The following MCPH1 variants were observed in gnomAD, a reference collection of about 807,000 sequenced individuals.
MCPH1 encodes the protein microcephalin 1.
A neutral mutation model predicts 84.5 loss-of-function variants in MCPH1; 104 were observed. The ratio of observed to expected loss-of-function variants is 1.23; its 90% CI spans 1.05 to 1.45. The LOEUF is 1.45. MCPH1 is among the 40% of genes most tolerant of loss of function. MCPH1 has a pLI of 0.00. For synonymous variants in MCPH1, 514 were observed against 366.8 expected, an observed-to-expected ratio of 1.40 and a Z score of -4.58; for missense variants, 1,498 against 1,005.7, an observed-to-expected ratio of 1.49 and a Z score of -6.62.
intron 2 of MCPH1, among the ~76,000 whole-genome samples, chr8:6,409,656 A>G (rs1024259546): frequency 1.3e-5 from 2 of 149,656 alleles, no homozygotes; most frequent in Non-Finnish European, 3.0e-5. Context: ...GGAATACAGG[A>G]AAAGGAACAG....
At chr8:6,625,759 A>G in intron 13 of MCPH1, 1 of 979,032 alleles carries the variant, frequency 1.0e-6, no homozygotes, top group Non-Finnish European at 1.2e-6. Context: ...ACTCCAGCCT[A>G]GGCAACAGAG....
chr8:6,520,851 AT>A (rs1422612971), intron 12 of MCPH1, among the ~76,000 whole-genome samples: 1 of 152,156 alleles, frequency 6.6e-6, no homozygotes, highest in African/African-American at 2.4e-5. Flanking sequence ...GTCTGATATT[AT>A]TTTTCCCATG....
At chr8:6,501,848 G>T (rs991827675) in intron 12 of MCPH1, 1 of 151,396 alleles carries the variant, frequency 6.6e-6, no homozygotes, top group African/African-American at 2.4e-5. Flanking sequence ...GAGCCACTGC[G>T]CCCAGCCCTG....
chr8:6,446,843 C>T lies in MCPH1; in HGVS notation c.1825+1296C>T, dbSNP rs1050485731. On this transcript the variant is annotated intron_variant, in intron 8 of 13. Transcript: ENST00000344683. ...CCCGTGTTGCTGGGAGTGTGCTAGT[C>T]CTCGGAAGCAGGTGTGTTATGTTCT... The T allele has an allele frequency of 1.7e-5, 17 of 985,190 alleles. No individual in the cohort carries two copies. The African/African-American group carries it at 2.8e-4, about 16-fold the overall frequency. 61.0% of individuals were successfully genotyped at this position (985,190 alleles called of 1,614,324 possible). A position where few individuals can be genotyped will look rare whatever the true frequency, so the allele number is the denominator to read the frequency against.
At chr8:6,548,859 C>A (rs1413675548) in intron 12 of MCPH1, among the ~76,000 whole-genome samples, 7 of 152,188 alleles carry the variant, frequency 4.6e-5, no homozygotes, top group African/African-American at 9.6e-5. Flanking sequence ...TTCCCACCCT[C>A]TTTTCCATTG....
At chr8:6,598,180 G>C (rs2922851) in intron 12 of MCPH1, among the ~76,000 whole-genome samples, 1 of 152,014 alleles carries the variant, frequency 6.6e-6, no homozygotes, top group African/African-American at 2.4e-5. Flanking sequence ...CGGTCAATCA[G>C]AGTGAGCACC....
intron 12 of MCPH1, among the ~76,000 whole-genome samples, chr8:6,510,414 G>A (rs1159305847): frequency 6.6e-6 from 1 of 152,152 alleles, no homozygotes; most frequent in African/African-American, 2.4e-5. Context: ...TGTAAAACCT[G>A]CTAATGTTTG....
At chr8:6,564,799 C>T (rs1826010468) in intron 12 of MCPH1, among the ~76,000 whole-genome samples, 1 of 152,172 alleles carries the variant, frequency 6.6e-6, no homozygotes, top group Non-Finnish European at 1.5e-5. Context: ...TTATTTGCTG[C>T]CACAATACTC....
chr8:6,484,181 A>G (rs1055933599), intron 11 of MCPH1, among the ~76,000 whole-genome samples: 1 of 152,234 alleles, frequency 6.6e-6, no homozygotes, highest in Non-Finnish European at 1.5e-5. Flanking sequence ...TATGTCTGGA[A>G]TATATAAAGA....
intron 12 of MCPH1, among the ~76,000 whole-genome samples, chr8:6,580,648 C>G (rs751158704): frequency 6.6e-6 from 1 of 152,046 alleles, no homozygotes; most frequent in Admixed American, 6.5e-5. Flanking sequence ...AAGACTCTAT[C>G]TCAACCACAA....
In MCPH1 at chr8:6,411,953, C is replaced by G. The variant is rs112056958; in HGVS notation, c.114+2583C>G. Among the ~76,000 whole-genome samples, 708 of 152,178 alleles carry G rather than the reference C, an allele frequency of 4.7e-3. 5 individuals are homozygous for G. The highest frequency in any genetic ancestry group is 0.027 in the Middle Eastern group (8 of 294). On this transcript the variant is annotated intron_variant, in intron 2 of 13. Coordinates refer to ENST00000344683, the MANE Select transcript of MCPH1 (RefSeq NM_024596.5). ...TTGTCTGGCATTTGGGAGGGGCTGA[C>G]TGATAGGCTGAGTGAAAGAGAACCA...
chr8:6,504,237 G>C (rs11779676), intron 12 of MCPH1, among the ~76,000 whole-genome samples: 47,069 of 144,592 alleles, frequency 0.33, 7,630 homozygotes, highest in Middle Eastern at 0.47. Context: ...AGAATGGCGT[G>C]AACCCGGGAG....
intron 12 of MCPH1, among the ~76,000 whole-genome samples, chr8:6,546,622 G>A (rs933649631): frequency 1.2e-4 from 18 of 152,194 alleles, no homozygotes; most frequent in African/African-American, 4.3e-4. Context: ...TAAATTATTT[G>A]GAGCTAACCG....
chr8:6,526,231 G>A (rs992368677), intron 12 of MCPH1, among the ~76,000 whole-genome samples: 5 of 140,476 alleles, frequency 3.6e-5, no homozygotes, highest in Admixed American at 7.6e-5. Context: ...ACCAGCCTGG[G>A]CAATATGGCA....
intron 12 of MCPH1, chr8:6,514,828 C>T (rs775621159): frequency 7.9e-6 from 12 of 1,514,442 alleles, no homozygotes; most frequent in Admixed American, 3.4e-5. Flanking sequence ...CCACTCCCCC[C>T]TTACGTAGCA....
intron 12 of MCPH1, among the ~76,000 whole-genome samples, chr8:6,544,888 A>ATGAT (rs1822276608): frequency 6.6e-6 from 1 of 151,778 alleles, no homozygotes; most frequent in African/African-American, 2.4e-5. Context: ...ACCTGCTAAC[A>ATGAT]TCAGATTCTT....
intron 13 of MCPH1, among the ~76,000 whole-genome samples, chr8:6,628,640 G>A (rs1042145957): frequency 1.3e-5 from 2 of 152,216 alleles, no homozygotes; most frequent in Admixed American, 1.3e-4. Flanking sequence ...CCATGTATAT[G>A]CTGCTCCAAG....
intron 10 of MCPH1, among the ~76,000 whole-genome samples, chr8:6,479,830 G>T (rs1252470700): frequency 6.6e-6 from 1 of 152,164 alleles, no homozygotes; most frequent in Non-Finnish European, 1.5e-5. Flanking sequence ...GATATTTTAA[G>T]TATTAAGGGA....
chr8:6,432,398 C>T (rs751703445), intron 4 of MCPH1, among the ~76,000 whole-genome samples: 18 of 151,934 alleles, frequency 1.2e-4, no homozygotes, highest in Non-Finnish European at 2.5e-4. Flanking sequence ...TATTTCCAAT[C>T]GCGACTGGTT....
Sources: gnomAD v4.1 joint callset for allele counts (sites outside exome capture counted in the v4.1 genomes callset) on GRCh38, gnomAD v4.1.1 for gene constraint, MANE v1.5 for transcripts, NCBI Gene and HGNC (gene_info 2026-07-23, HGNC 2026-07-21) for gene names.